Variants in SEMA3A observed in about 807,000 individuals in gnomAD.
The protein encoded by SEMA3A is semaphorin 3A, also known as semaphorin-3A.
Under a neutral mutation model 97.9 loss-of-function variants are expected in SEMA3A, and 29 were observed. The observed-to-expected ratio is 0.30, with a 90% CI of 0.22 to 0.40. SEMA3A has a LOEUF of 0.40. Ranked by LOEUF, SEMA3A falls within the 10% of genes least tolerant of loss-of-function variation. SEMA3A has a pLI of 1.00. For missense variants in SEMA3A, 763 were observed against 951.3 expected (o/e 0.80, Z 2.60); for synonymous variants, 321 against 323.7 (o/e 0.99, Z 0.09).
At chr7:84,100,083 C>T (rs1448461573) in intron 4 of SEMA3A, among the ~76,000 whole-genome samples, 1 of 152,094 alleles carries the variant, frequency 6.6e-6, no homozygotes, top group Non-Finnish European at 1.5e-5. Flanking sequence ...ATGTTTTTCT[C>T]CTTCCATTCA....
intron 1 of SEMA3A, among the ~76,000 whole-genome samples, chr7:84,446,919 C>T (rs1419791681): frequency 6.6e-6 from 1 of 152,034 alleles, no homozygotes; most frequent in Non-Finnish European, 1.5e-5. Flanking sequence ...GGCAGGAGCC[C>T]CGCACTCTTG....
chr7:84,012,939 CAT>C (rs1790943446), intron 7 of SEMA3A, among the ~76,000 whole-genome samples: 1 of 151,758 alleles, frequency 6.6e-6, no homozygotes, highest in Non-Finnish European at 1.5e-5. Context: ...TTAAATATGA[CAT>C]GTATTTTGTG....
chr7:84,063,487 T>A (rs548083014), intron 4 of SEMA3A, among the ~76,000 whole-genome samples: 2 of 151,048 alleles, frequency 1.3e-5, no homozygotes, highest in Admixed American at 6.6e-5. Flanking sequence ...CGGAAGGACA[T>A]TCAAACCAAA....
At chr7:84,467,479 G>A (rs540619458) in intron 1 of SEMA3A, among the ~76,000 whole-genome samples, 25 of 145,854 alleles carry the variant, frequency 1.7e-4, no homozygotes, top group Non-Finnish European at 2.7e-4. Context: ...CTGAGGATGC[G>A]CCACTGCACT....
intron 1 of SEMA3A, among the ~76,000 whole-genome samples, chr7:84,166,595 G>T (rs1186613984): frequency 6.6e-6 from 1 of 151,192 alleles, no homozygotes; most frequent in African/African-American, 2.4e-5. Flanking sequence ...ATTGCCGGGG[G>T]GGCGCAGTGG....
At chr7:84,487,708 A>G (rs1562963165) in intron 1 of SEMA3A, among the ~76,000 whole-genome samples, 2 of 152,308 alleles carry the variant, frequency 1.3e-5, no homozygotes, top group East Asian at 3.9e-4. Context: ...GTAATCATCA[A>G]TCCTCAAGGT....
chr7:84,270,628 T>A (rs1800123445), intron 3 of SEMA3A, among the ~76,000 whole-genome samples: 1 of 147,940 alleles, frequency 6.8e-6, no homozygotes, highest in Non-Finnish European at 1.5e-5. Flanking sequence ...TGCATATATA[T>A]TCTATTCATA....
chr7:84,298,510 C>A (rs954037749), intron 3 of SEMA3A, among the ~76,000 whole-genome samples: 2 of 151,970 alleles, frequency 1.3e-5, no homozygotes, highest in African/African-American at 4.8e-5. Context: ...AGTTAGAGAC[C>A]TCTCAGGATA....
chr7:84,139,797 T>C (rs1363340607), intron 1 of SEMA3A, among the ~76,000 whole-genome samples: 1 of 152,098 alleles, frequency 6.6e-6, no homozygotes, highest in African/African-American at 2.4e-5. Flanking sequence ...GATAGATTTC[T>C]ATTTAAGAGT....
chr7:84,266,451 T>C (rs946786017), intron 3 of SEMA3A, among the ~76,000 whole-genome samples: 2 of 152,032 alleles, frequency 1.3e-5, no homozygotes, highest in Non-Finnish European at 2.9e-5. Flanking sequence ...ACAGGCTTTT[T>C]TGTGGGTCTC....
chr7:84,149,243 A>G (rs73177481), intron 1 of SEMA3A, among the ~76,000 whole-genome samples: 1 of 152,150 alleles, frequency 6.6e-6, no homozygotes, highest in Non-Finnish European at 1.5e-5. Flanking sequence ...CAACTTAAGG[A>G]TTTTATCTTA....
intron 3 of SEMA3A, among the ~76,000 whole-genome samples, chr7:84,113,508 C>T (rs918619634): frequency 6.6e-6 from 1 of 152,122 alleles, no homozygotes; most frequent in Non-Finnish European, 1.5e-5. Context: ...GTGTTTCTGA[C>T]CTTTTCTTGA....
At chr7:84,068,688 A>T (rs962516636) in intron 4 of SEMA3A, among the ~76,000 whole-genome samples, 1 of 152,088 alleles carries the variant, frequency 6.6e-6, no homozygotes, top group Non-Finnish European at 1.5e-5. Flanking sequence ...AAAGCATAAG[A>T]TACTTTATGT....
chr7:84,030,539 A>T (rs923870042), intron 6 of SEMA3A, among the ~76,000 whole-genome samples: 6 of 152,146 alleles, frequency 3.9e-5, no homozygotes, highest in Admixed American at 1.3e-4. Context: ...TCTGAGAAGA[A>T]AGAAAATATA....
intron 4 of SEMA3A, among the ~76,000 whole-genome samples, chr7:84,062,115 A>C (rs145884988): frequency 2.2e-4 from 34 of 152,344 alleles, no homozygotes; most frequent in African/African-American, 7.9e-4. Context: ...CAAAATTTTA[A>C]AAATGCTATT....
chr7:84,460,804 A>G (rs1196725538), intron 1 of SEMA3A, among the ~76,000 whole-genome samples: 1 of 152,198 alleles, frequency 6.6e-6, no homozygotes, highest in Admixed American at 6.5e-5. Context: ...GAGGCTCAAA[A>G]AGCAAGTCGA....
At chr7:84,155,599 T>C (rs1004902211) in intron 1 of SEMA3A, among the ~76,000 whole-genome samples, 1 of 152,142 alleles carries the variant, frequency 6.6e-6, no homozygotes, top group Non-Finnish European at 1.5e-5. Context: ...TTGCATTACT[T>C]GTTTCTGCTT....
intron 7 of SEMA3A, among the ~76,000 whole-genome samples, chr7:84,012,782 T>C (rs894368038): frequency 6.6e-6 from 1 of 152,326 alleles, no homozygotes; most frequent in Non-Finnish European, 1.5e-5. Context: ...TTGAGGTATG[T>C]GTTTACTAGA....
At chr7:84,245,752 G>A (rs1414242629) in intron 3 of SEMA3A, among the ~76,000 whole-genome samples, 2 of 152,000 alleles carry the variant, frequency 1.3e-5, no homozygotes. Flanking sequence ...ACACCCACAA[G>A]ATGCCAGCTG....
Sources: allele counts gnomAD v4.1 joint callset (sites outside exome capture counted in the v4.1 genomes callset), GRCh38; gene constraint gnomAD v4.1.1; transcripts MANE v1.5; gene names NCBI Gene and HGNC (gene_info 2026-07-23, HGNC 2026-07-21).